NOD1: variants seen among roughly 807,000 people sequenced by gnomAD.
NOD1 encodes nucleotide-binding oligomerization domain-containing protein 1.
In NOD1, 70 loss-of-function variants were observed where a neutral mutation model predicts 81.2. That is an observed-to-expected ratio of 0.86 (90% confidence interval 0.71 to 1.05). The LOEUF (loss-of-function observed/expected upper bound fraction) is 1.05. NOD1 is among the 50% of genes least tolerant of loss of function. The pLI is 0.00. For missense variants in NOD1, 1,233 were observed against 1,228.0 expected (o/e 1.00, Z -0.06); for synonymous variants, 508 against 526.9 (o/e 0.96, Z 0.49).
At chr7:30,446,352 C>T (rs1486605194) in intron 8 of NOD1, 128 bp from the exon 9 acceptor site, 1 of 747,734 alleles carries the variant, frequency 1.3e-6, no homozygotes, top group Non-Finnish European at 2.3e-6. Context: ...CTGGGATCCA[C>T]AAGAGCCATG....
intron 1 of NOD1, among the ~76,000 whole-genome samples, chr7:30,472,281 C>A (rs1788353534): frequency 6.6e-6 from 1 of 152,200 alleles, no homozygotes; most frequent in African/African-American, 2.4e-5. Flanking sequence ...CCTTACCACA[C>A]CAGCCACTCA....
chr7:30,457,555 CTTTTT>C (rs1786512442), intron 3 of NOD1, among the ~76,000 whole-genome samples: 1 of 152,080 alleles, frequency 6.6e-6, no homozygotes, highest in Non-Finnish European at 1.5e-5. Context: ...ATAGCCAACT[CTTTTT>C]TATTTTTAAA....
chr7:30,474,554 T>C (rs776189480), intron 1 of NOD1, among the ~76,000 whole-genome samples: 1 of 152,264 alleles, frequency 6.6e-6, no homozygotes, highest in Non-Finnish European at 1.5e-5. Context: ...TCATAAGGAA[T>C]GTGCAGCCTA....
In NOD1 at chr7:30,446,177, AG is replaced by A; in HGVS notation, c.2416del (p.Leu806TrpfsTer3). 6.2e-7 allele frequency: 1 copy of A among 1,614,078 alleles called. No homozygotes were observed. The highest frequency in any genetic ancestry group is 2.2e-5 in the East Asian group (1 of 44,882). On this transcript the variant is annotated frameshift_variant, in exon 9 of 14. Transcript: ENST00000222823. LOFTEE classifies it high-confidence loss of function. ...GATTGATTTGCTGTTCTTCACAGCC[AG>A]GGCGAGATACTTCCCTCCTTCACTT... is the stretch of plus-strand genomic sequence containing the variant. ...ITSEGGKYLA[L>X]AVKNSKSISE...
Position 30,425,479 on chromosome 7 carries a change from CCTT to C in NOD1, c.*156_*158del. On this transcript the variant is annotated 3_prime_UTR_variant, in exon 14 of 14. Transcript: ENST00000222823. ...GTACTTAGGGAGTTTGCCGACCAGA[CCTT>C]CTGCACAGGAAGCTGGCTTGCATCA... 1 of 642,358 alleles carries C rather than the reference CCTT, an allele frequency of 1.6e-6. No homozygotes were observed. Among genetic ancestry groups the C allele is most frequent in the Middle Eastern group, 3.5e-4 (1 of 2,864 alleles). 39.8% of individuals were successfully genotyped at this position (642,358 alleles called of 1,614,324 possible).
chr7:30,461,928 C>T (rs1175186471), intron 1 of NOD1, among the ~76,000 whole-genome samples: 2 of 152,098 alleles, frequency 1.3e-5, no homozygotes, highest in Non-Finnish European at 2.9e-5. Flanking sequence ...TTAGTAGGGA[C>T]GCGGTTTCAC....
At chr7:30,435,641 T>A (rs1784314310) in intron 11 of NOD1, among the ~76,000 whole-genome samples, 1 of 152,152 alleles carries the variant, frequency 6.6e-6, no homozygotes, top group Admixed American at 6.5e-5. Context: ...GCCCCTGGGA[T>A]AATTCCTGGG....
At chr7:30,460,196 A>G (rs1475431501) in intron 1 of NOD1, 155 bp from the exon 2 acceptor site, 1 of 968,770 alleles carries the variant, frequency 1.0e-6, no homozygotes, top group East Asian at 1.1e-4. Context: ...AAGCAGAGAA[A>G]CTGAACTCTG....
At chr7:30,459,721 T>C (rs922120220) in intron 2 of NOD1, among the ~76,000 whole-genome samples, 180 bp downstream of exon 2, 1 of 152,220 alleles carries the variant, frequency 6.6e-6, no homozygotes, top group Non-Finnish European at 1.5e-5. Flanking sequence ...AGACTTTCTC[T>C]TTAAGATCAT....
Position 30,451,514 on chromosome 7 carries a change from G to C in NOD1, c.1903C>G (p.Leu635Val). Reference sequence around the variant, plus strand: ...AAGCTTTCGACCTGAACGCGGGGCAGGCTCTTCAGGTAGCCCCGCAGGCTG... The same window carrying C: ...AAGCTTTCGACCTGAACGCGGGGCACGCTCTTCAGGTAGCCCCGCAGGCTG... The part of the protein sequence containing the change: ...FSSLRGYLKS[L>V]PRVQVESFNQ... Residue 635 changes from leucine to valine, a missense_variant, in exon 6 of 14, where the codon CTG becomes GTG. Transcript: ENST00000222823. This position sits in a 1 kb window ranked among gnomAD's most constrained non-coding sequence, Gnocchi z 4.2. 1 of 1,613,178 alleles carries C rather than the reference G, an allele frequency of 6.2e-7. No homozygotes were observed. The highest frequency in any genetic ancestry group is 8.5e-7 in the Non-Finnish European group (1 of 1,179,844).
chr7:30,433,301 A>C (rs1322834062), intron 11 of NOD1, 122 bp from the exon 12 acceptor site: 3 of 702,304 alleles, frequency 4.3e-6, no homozygotes, highest in Admixed American at 2.7e-5. Context: ...ACTTGCTGAG[A>C]ACCCAGAAAA....
At position 30,451,713 on chromosome 7, in the gene NOD1, C is replaced by A. The variant is rs201129988; in HGVS notation, c.1704G>T (p.Leu568=). 14 of 1,613,776 alleles carry A rather than the reference C, an allele frequency of 8.7e-6. No individual in the cohort carries two copies. Among genetic ancestry groups the A allele is most frequent in the Non-Finnish European group, 1.0e-5 (12 of 1,180,042 alleles). ...CYPPFLPFQC[L]QGSGPAREDL... Reference sequence around the variant, plus strand: ...CTTCCCGCGCCGGACCACTGCCCTGCAGGCACTGGAACGGGAGGAAGGGAG... The same window carrying A: ...CTTCCCGCGCCGGACCACTGCCCTGAAGGCACTGGAACGGGAGGAAGGGAG... The change falls in exon 6 of 14, where the codon CTG becomes CTT. Residue 568 remains leucine (L), a synonymous_variant. Coordinates refer to ENST00000222823, the MANE Select transcript of NOD1 (RefSeq NM_006092.4). This position sits in a 1 kb window ranked among gnomAD's most constrained non-coding sequence, Gnocchi z 4.2.
rs757834888 is a variant in NOD1 at position 30,435,997 on chromosome 7, C to G, written c.2621+1G>C. ...ACAAATGAAATGACTCGAGCTATTACCACAGTATTTCTAGAGACGTGTTCT... is the reference window on the plus strand; with the variant it reads ...ACAAATGAAATGACTCGAGCTATTAGCACAGTATTTCTAGAGACGTGTTCT... On this transcript the variant is annotated splice_donor_variant, in intron 11 of 13. Coordinates refer to ENST00000222823, the MANE Select transcript of NOD1 (RefSeq NM_006092.4). LOFTEE classifies it high-confidence loss of function. The G allele has an allele frequency of 1.2e-6, 2 of 1,611,540 alleles. No homozygotes were observed. The highest frequency in any genetic ancestry group is 1.1e-5 in the South Asian group (1 of 91,044).
In NOD1 at chr7:30,478,259, T is replaced by C. The variant is rs780853986; in HGVS notation, c.-352+347A>G. The stretch of plus-strand genomic sequence containing the variant: ...GGAGCTTTTAAAAGATACGGAGGCC[T>C]GGGTCTGACTCCGTGAGATTCTGAT... On this transcript the variant is annotated intron_variant, in intron 1 of 13. Transcript: ENST00000222823. This position sits in a 1 kb window ranked among gnomAD's most constrained non-coding sequence, Gnocchi z 4.1. 1.8e-4 allele frequency among the ~76,000 whole-genome samples: 28 copies of C among 152,078 alleles called. No homozygotes were observed. Among genetic ancestry groups the C allele is most frequent in the Admixed American group, 5.2e-4 (8 of 15,272 alleles).
At chr7:30,469,793 G>T (rs1788078390) in intron 1 of NOD1, among the ~76,000 whole-genome samples, 2 of 152,230 alleles carry the variant, frequency 1.3e-5, no homozygotes, top group Non-Finnish European at 2.9e-5. Context: ...GACTTGTCCG[G>T]ATCAATCAAA....
Position 30,451,620 on chromosome 7 carries a change from G to C in NOD1, c.1797C>G (p.Ala599=). The change falls in exon 6 of 14, where the codon GCC becomes GCG. Residue 599 remains alanine (A), a synonymous_variant. Coordinates refer to ENST00000222823, the MANE Select transcript of NOD1 (RefSeq NM_006092.4). The surrounding 1 kb of genome is among the most constrained non-coding windows in gnomAD (Gnocchi z 4.2). Reference sequence around the variant, plus strand: ...CCAGATGCCGCAGGAGTTTCTGTTTGGCTTTGGACAACAGCCCGCACAGGA... The same window carrying C: ...CCAGATGCCGCAGGAGTTTCTGTTTCGCTTTGGACAACAGCCCGCACAGGA... ...NLFLCGLLSK[A]KQKLLRHLVP... 6.2e-7 allele frequency: 1 copy of C among 1,613,952 alleles called. No individual in the cohort carries two copies. The highest frequency in any genetic ancestry group is 2.2e-5 in the East Asian group (1 of 44,880).
chr7:30,478,387 G>A lies in NOD1; in HGVS notation c.-352+219C>T, dbSNP rs1789003984. ...AGAACCCCTGCGTTCGACCACAGTG[G>A]GATAAACGATTCCGCTGACTGTGAA... is the stretch of plus-strand genomic sequence containing the variant. On this transcript the variant is annotated intron_variant, in intron 1 of 13. Coordinates refer to ENST00000222823, the MANE Select transcript of NOD1 (RefSeq NM_006092.4). The surrounding 1 kb of genome is among the most constrained non-coding windows in gnomAD (Gnocchi z 4.1). Among the ~76,000 whole-genome samples, 1 of 152,166 alleles carries A rather than the reference G, an allele frequency of 6.6e-6. No homozygotes were observed. Among genetic ancestry groups the A allele is most frequent in the South Asian group, 2.1e-4 (1 of 4,828 alleles).
At chr7:30,450,775 AC>A (rs1367457939) in intron 6 of NOD1, among the ~76,000 whole-genome samples, 1 of 152,216 alleles carries the variant, frequency 6.6e-6, no homozygotes, top group Non-Finnish European at 1.5e-5. Context: ...GAGCTGTGTG[AC>A]CTAAAGCAAG....
Position 30,457,000 on chromosome 7 carries a change from T to C in NOD1, c.-79A>G. ...CCTCTCAGCAGAAGGGCAATCAGGATTCAGGCCGCGCCCTCCAGGGCCCCT... is the reference window on the plus strand; with the variant it reads ...CCTCTCAGCAGAAGGGCAATCAGGACTCAGGCCGCGCCCTCCAGGGCCCCT... On this transcript the variant is annotated 5_prime_UTR_variant, in exon 4 of 14. Coordinates refer to ENST00000222823, the MANE Select transcript of NOD1 (RefSeq NM_006092.4). 1 of 1,251,316 alleles carries C rather than the reference T, an allele frequency of 8.0e-7. No individual in the cohort carries two copies. Among genetic ancestry groups the C allele is most frequent in the Non-Finnish European group, 1.2e-6 (1 of 856,688 alleles). 77.5% of individuals were successfully genotyped at this position (1,251,316 alleles called of 1,614,324 possible). A position where few individuals can be genotyped will look rare whatever the true frequency, so the allele number is the denominator to read the frequency against.
Sources: gnomAD v4.1 joint callset for allele counts (sites outside exome capture counted in the v4.1 genomes callset) on GRCh38, gnomAD v4.1.1 for gene constraint, Gnocchi (gnomAD v3.1) non-coding constraint, MANE v1.5 for transcripts, NCBI Gene and HGNC (gene_info 2026-07-23, HGNC 2026-07-21) for gene names.